Variants in ARHGEF28 observed in about 807,000 individuals in gnomAD.
ARHGEF28 encodes Rho guanine nucleotide exchange factor 28.
ARHGEF28 carries 152 observed loss-of-function variants against 206.6 expected under a neutral mutation model. That is an observed-to-expected ratio of 0.74 (90% CI 0.64 to 0.84). The LOEUF is 0.84. ARHGEF28 is among the 40% of genes least tolerant of loss of function. The probability of loss-of-function intolerance (pLI) is 0.00; values close to 1 mark genes in which losing one functional copy is unlikely to be tolerated. For missense variants in ARHGEF28, 2,028 were observed against 2,073.2 expected, an observed-to-expected ratio of 0.98 and a Z score of 0.42; for synonymous variants, 763 against 776.4, an observed-to-expected ratio of 0.98 and a Z score of 0.29.
At chr5:73,706,450 A>G (rs1235751137) in intron 2 of ARHGEF28, among the ~76,000 whole-genome samples, 1 of 149,490 alleles carries the variant, frequency 6.7e-6, no homozygotes. Context: ...TATAACATTG[A>G]AAAAAAAAAG....
At chr5:73,834,891 T>A (rs1757528232) in intron 10 of ARHGEF28, among the ~76,000 whole-genome samples, 1 of 152,174 alleles carries the variant, frequency 6.6e-6, no homozygotes, top group Admixed American at 6.5e-5. Context: ...AAGGATGCAT[T>A]TCTCAGAACA....
intron 21 of ARHGEF28, among the ~76,000 whole-genome samples, chr5:73,872,069 GT>G (rs1760138763): frequency 1.3e-5 from 2 of 152,162 alleles, no homozygotes; most frequent in Admixed American, 1.3e-4. Context: ...CTGCCAGACT[GT>G]TTTCCAAAGC....
chr5:73,916,121 A>G (rs1377735537), intron 35 of ARHGEF28, among the ~76,000 whole-genome samples: 1 of 152,196 alleles, frequency 6.6e-6, no homozygotes, highest in Non-Finnish European at 1.5e-5. Context: ...GTAAGGGAAG[A>G]AAATAGAAAA....
At chr5:73,634,524 A>G (rs1026637878) in intron 1 of ARHGEF28, among the ~76,000 whole-genome samples, 2 of 152,360 alleles carry the variant, frequency 1.3e-5, no homozygotes, top group African/African-American at 2.4e-5. Context: ...ATCTAGGATC[A>G]ACATGAAATG....
At chr5:73,911,776 A>G (rs1388909059) in intron 35 of ARHGEF28, 1 of 587,140 alleles carries the variant, frequency 1.7e-6, no homozygotes, top group Non-Finnish European at 3.0e-6. Context: ...GACAAGTGAG[A>G]CCATGGTCAT....
chr5:73,832,535 T>G (rs894709553), intron 10 of ARHGEF28, 76 bp downstream of exon 10: 11 of 1,541,112 alleles, frequency 7.1e-6, no homozygotes, highest in African/African-American at 1.4e-5. Flanking sequence ...AGATTCAGCA[T>G]TGTTGTGTTC....
Position 73,696,461 on chromosome 5 carries a change from C to A in ARHGEF28, c.33+11577C>A, listed in dbSNP as rs531269035. Among the ~76,000 whole-genome samples the A allele has an allele frequency of 2.0e-5, 3 of 152,272 alleles. No individual in the cohort carries two copies. In the South Asian group the frequency reaches 6.2e-4, roughly 32 times the overall value. ...GAATTCTTACTCATTTTCCAGATTT[C>A]AGCTCAAATGTCACATCCTTAATAT... On this transcript the variant is annotated intron_variant, in intron 2 of 35. Transcript: ENST00000513042.
At chr5:73,794,333 A>G in intron 7 of ARHGEF28, 69 bp from the exon 8 acceptor site, 1 of 1,256,016 alleles carries the variant, frequency 8.0e-7, no homozygotes, top group Non-Finnish European at 1.1e-6. Flanking sequence ...TACACTTGTC[A>G]GCTAGTAGTT....
At chr5:73,674,953 C>G (rs73762154) in intron 1 of ARHGEF28, among the ~76,000 whole-genome samples, 3,990 of 152,274 alleles carry the variant, frequency 0.026, 181 homozygotes, top group African/African-American at 0.09. Flanking sequence ...CTGTACCCTT[C>G]GTAATATCCT....
intron 22 of ARHGEF28, among the ~76,000 whole-genome samples, chr5:73,878,759 C>G (rs1465286426): frequency 1.1e-4 from 17 of 151,046 alleles, no homozygotes; most frequent in East Asian, 3.9e-4. Context: ...GGCCCCCAGT[C>G]TCTTCTGGCT....
intron 2 of ARHGEF28, among the ~76,000 whole-genome samples, chr5:73,701,326 A>T (rs1260127386): frequency 6.6e-6 from 1 of 152,110 alleles, no homozygotes; most frequent in Non-Finnish European, 1.5e-5. Context: ...TTCTGACTGA[A>T]CTCAATAGGG....
At chr5:73,759,109 C>A (rs535137360) in intron 4 of ARHGEF28, among the ~76,000 whole-genome samples, 2 of 151,660 alleles carry the variant, frequency 1.3e-5, no homozygotes, top group East Asian at 3.9e-4. Flanking sequence ...GAGCTGTCCC[C>A]AAAGAAAACC....
chr5:73,869,101 TTTAATC>T (rs1481122576), intron 20 of ARHGEF28, among the ~76,000 whole-genome samples: 1 of 151,986 alleles, frequency 6.6e-6, no homozygotes, highest in Non-Finnish European at 1.5e-5. Context: ...CCTGTTTTAT[TTTAATC>T]TTAAGTCTTT....
intron 10 of ARHGEF28, 69 bp downstream of exon 10, chr5:73,832,528 T>C: frequency 3.2e-6 from 5 of 1,556,678 alleles, no homozygotes; most frequent in Non-Finnish European, 4.4e-6. Context: ...AAGAAATAGA[T>C]TCAGCATTGT....
intron 2 of ARHGEF28, among the ~76,000 whole-genome samples, chr5:73,693,065 A>T (rs1489859298): frequency 6.6e-6 from 1 of 152,128 alleles, no homozygotes; most frequent in Non-Finnish European, 1.5e-5. Flanking sequence ...GACTGGCTTG[A>T]CTAAGTTAAC....
At chr5:73,780,044 T>C (rs192532107) in intron 6 of ARHGEF28, among the ~76,000 whole-genome samples, 18 of 152,296 alleles carry the variant, frequency 1.2e-4, no homozygotes, top group Admixed American at 1.0e-3. Flanking sequence ...TGGCTTACTA[T>C]TCAGCACATC....
intron 9 of ARHGEF28, among the ~76,000 whole-genome samples, chr5:73,818,430 C>T (rs1458236750): frequency 6.6e-6 from 1 of 152,042 alleles, no homozygotes; most frequent in African/African-American, 2.4e-5. Context: ...ATCAGATGTA[C>T]ACATGCATGT....
intron 35 of ARHGEF28, among the ~76,000 whole-genome samples, chr5:73,935,855 G>A (rs559409050): frequency 2.0e-5 from 3 of 152,304 alleles, no homozygotes; most frequent in Admixed American, 1.3e-4. Context: ...TCTGTTTTGT[G>A]ACCTTTGATG....
chr5:73,741,192 T>C (rs1751355185), intron 2 of ARHGEF28, among the ~76,000 whole-genome samples: 1 of 151,824 alleles, frequency 6.6e-6, no homozygotes. Flanking sequence ...CTGCTTCTGG[T>C]CTTGTGAGGA....
Sources: allele counts gnomAD v4.1 joint callset (sites outside exome capture counted in the v4.1 genomes callset), GRCh38; gene constraint gnomAD v4.1.1; transcripts MANE v1.5; gene names NCBI Gene and HGNC (gene_info 2026-07-23, HGNC 2026-07-21).